Variants in CRACDL observed in about 807,000 individuals in gnomAD.
CRACDL encodes the protein CRACD like, also known as CRACD-like protein.
CRACDL carries 26 observed loss-of-function variants against 70.6 expected under a neutral mutation model. That is an observed-to-expected ratio of 0.37 (90% CI 0.27 to 0.51). The LOEUF is 0.51. Ranked by LOEUF, CRACDL falls within the 20% of genes least tolerant of loss-of-function variation. CRACDL has a pLI of 0.94. For synonymous variants in CRACDL, 618 were observed against 615.2 expected (o/e 1.00, Z -0.07); for missense variants, 1,283 against 1,376.9 (o/e 0.93, Z 1.08).
intron 1 of CRACDL, among the ~76,000 whole-genome samples, chr2:98,897,225 A>T (rs934437633): frequency 2.6e-5 from 4 of 152,200 alleles, no homozygotes; most frequent in African/African-American, 9.6e-5. Flanking sequence ...ACATTTTGAG[A>T]CTGGCTTCTT....
intron 1 of CRACDL, among the ~76,000 whole-genome samples, chr2:98,893,384 C>T (rs138806797): frequency 0.019 from 2,878 of 152,142 alleles, 97 homozygotes; most frequent in African/African-American, 0.065. Context: ...CCTGGGTTCA[C>T]GCCATTCTCC....
In CRACDL at chr2:98,823,597, C is replaced by G; in HGVS notation, c.736-60G>C. On this transcript the variant is annotated intron_variant, in intron 6 of 9. Transcript: ENST00000397899. The surrounding 1 kb of genome is among the most constrained non-coding windows in gnomAD (Gnocchi z 4.0). ...TAGCCAATTCCAGGAAGCCTGTCAC[C>G]TCCCCACTTTTTTCAAGGCTTATAA... The G allele has an allele frequency of 6.5e-7, 1 of 1,532,892 alleles. No homozygotes were observed. The highest frequency in any genetic ancestry group is 8.7e-7 in the Non-Finnish European group (1 of 1,144,436). 95.0% of individuals were successfully genotyped at this position (1,532,892 alleles called of 1,614,324 possible). A position where few individuals can be genotyped will look rare whatever the true frequency, so the allele number is the denominator to read the frequency against.
chr2:98,844,662 T>C (rs1706175316), intron 2 of CRACDL, among the ~76,000 whole-genome samples: 1 of 152,250 alleles, frequency 6.6e-6, no homozygotes, highest in Admixed American at 6.5e-5. Flanking sequence ...ATGGATTTGG[T>C]GGGAGCACCA....
Position 98,794,441 on chromosome 2 carries a change from G to A in CRACDL, c.*91C>T, listed in dbSNP as rs537082166. The A allele has an allele frequency of 2.1e-5, 24 of 1,154,240 alleles. No individual in the cohort carries two copies. The African/African-American group carries it at 2.3e-4, about 11-fold the overall frequency. 71.5% of individuals were successfully genotyped at this position (1,154,240 alleles called of 1,614,324 possible). On this transcript the variant is annotated 3_prime_UTR_variant, in exon 10 of 10. Coordinates refer to ENST00000397899, the MANE Select transcript of CRACDL (RefSeq NM_207362.3). The stretch of plus-strand genomic sequence containing the variant: ...ACTTGATGATAAAATCAATCTTTAA[G>A]TTTCACAGTTTGTTTGCCACAATAC...
chr2:98,921,478 G>A (rs1708801925), intron 1 of CRACDL, among the ~76,000 whole-genome samples: 1 of 152,258 alleles, frequency 6.6e-6, no homozygotes, highest in South Asian at 2.1e-4. Context: ...TTCCCTCAGT[G>A]AACGTGGGTG....
Position 98,794,678 on chromosome 2 carries a change from G to T in CRACDL, c.2750-7C>A, listed in dbSNP as rs772847499. 6.2e-7 allele frequency: 1 copy of T among 1,603,052 alleles called. No homozygotes were observed. Among genetic ancestry groups the T allele is most frequent in the Non-Finnish European group, 8.5e-7 (1 of 1,172,720 alleles). ...ATCATCACTGCAGACTGAGCTGCTTGGAAGGGAGACAAAACCAACAGAAAC... is the reference window on the plus strand; with the variant it reads ...ATCATCACTGCAGACTGAGCTGCTTTGAAGGGAGACAAAACCAACAGAAAC... On this transcript the variant is annotated splice_region_variant and splice_polypyrimidine_tract_variant and intron_variant, in intron 9 of 9. Transcript: ENST00000397899.
At chr2:98,820,391 G>C (rs1042057116) in intron 7 of CRACDL, among the ~76,000 whole-genome samples, 5 of 151,948 alleles carry the variant, frequency 3.3e-5, no homozygotes, top group Admixed American at 2.6e-4. Flanking sequence ...AATTAGCCGG[G>C]TGTAGTATCG....
intron 1 of CRACDL, among the ~76,000 whole-genome samples, chr2:98,915,169 G>A (rs1708636633): frequency 6.6e-6 from 1 of 152,188 alleles, no homozygotes; most frequent in South Asian, 2.1e-4. Context: ...ATAAGAGAAG[G>A]CAGAAAAGGA....
intron 1 of CRACDL, among the ~76,000 whole-genome samples, chr2:98,928,545 T>C (rs371663219): frequency 6.6e-6 from 1 of 152,094 alleles, no homozygotes; most frequent in Non-Finnish European, 1.5e-5. Context: ...GGCCTGGCCA[T>C]GTCTGGTCTA....
rs900953245 is a variant in CRACDL at position 98,889,425 on chromosome 2, G to A, written c.-10-42615C>T. Among the ~76,000 whole-genome samples the A allele has an allele frequency of 7.9e-5, 12 of 152,126 alleles. No individual in the cohort carries two copies. In the East Asian group the frequency reaches 1.4e-3, roughly 17 times the overall value. ...TCTGTTTAAGATAAAAATTACTACA[G>A]ACAAAGTGGGAAATTGTATAATGAC... On this transcript the variant is annotated intron_variant, in intron 1 of 9. Coordinates refer to ENST00000397899, the MANE Select transcript of CRACDL (RefSeq NM_207362.3).
intron 7 of CRACDL, among the ~76,000 whole-genome samples, chr2:98,815,505 C>G (rs1704746553): frequency 6.6e-6 from 1 of 152,332 alleles, no homozygotes; most frequent in Admixed American, 6.5e-5. Context: ...CTGGGACCAC[C>G]TCAGGACAGA....
chr2:98,827,939 G>C (rs916541724), intron 5 of CRACDL, among the ~76,000 whole-genome samples: 1 of 152,262 alleles, frequency 6.6e-6, no homozygotes, highest in Non-Finnish European at 1.5e-5. Context: ...CTGGAGCCCT[G>C]TTGGTTCAAC....
Position 98,795,073 on chromosome 2 carries a change from A to ATT in CRACDL, c.2750-403_2750-402insAA, listed in dbSNP as rs1468056572. On this transcript the variant is annotated intron_variant, in intron 9 of 9. Coordinates refer to ENST00000397899, the MANE Select transcript of CRACDL (RefSeq NM_207362.3). ...TATATATATATATATATATATATAT[A>ATT]TATATTTTTTTTTTTTTTTGAGACA... 4.0e-4 allele frequency among the ~76,000 whole-genome samples: 8 copies of ATT among 20,080 alleles called. 2 individuals are homozygous for ATT. Among genetic ancestry groups the ATT allele is most frequent in the Admixed American group, 8.9e-4 (1 of 1,120 alleles). The allele number at this position is 20,080 out of a possible 152,430, so 13.2% of individuals were successfully genotyped here.
intron 1 of CRACDL, among the ~76,000 whole-genome samples, chr2:98,930,897 G>A (rs1292983626): frequency 6.6e-6 from 1 of 152,138 alleles, no homozygotes; most frequent in African/African-American, 2.4e-5. Context: ...AATTTATGGA[G>A]CATTTTCTAT....
At chr2:98,797,315 T>C (rs1252965550) in intron 8 of CRACDL, 35 bp downstream of exon 8, 2 of 1,603,866 alleles carry the variant, frequency 1.2e-6, no homozygotes, top group East Asian at 2.2e-5. Flanking sequence ...TGCTCCCTCC[T>C]GCACCCACAG....
At position 98,925,191 on chromosome 2, in the gene CRACDL, C is replaced by T. The variant is rs550733459; in HGVS notation, c.-11+10747G>A. The stretch of plus-strand genomic sequence containing the variant: ...CAGGGTCCAGTCCTAGGTGGGACTT[C>T]AAGGAGGAGGAAGGAGCTGACCAGG... On this transcript the variant is annotated intron_variant, in intron 1 of 9. Coordinates refer to ENST00000397899, the MANE Select transcript of CRACDL (RefSeq NM_207362.3). Among the ~76,000 whole-genome samples the T allele has an allele frequency of 2.0e-5, 3 of 152,294 alleles. No homozygotes were observed. In the South Asian group the frequency reaches 6.2e-4, roughly 32 times the overall value.
At chr2:98,845,241 G>T (rs1225190125) in intron 2 of CRACDL, among the ~76,000 whole-genome samples, 3 of 148,528 alleles carry the variant, frequency 2.0e-5, no homozygotes, top group Non-Finnish European at 3.0e-5. Flanking sequence ...TTGTTGCCCA[G>T]GCTGGAGTGC....
intron 1 of CRACDL, among the ~76,000 whole-genome samples, chr2:98,902,495 G>A (rs1708307465): frequency 6.6e-6 from 1 of 152,150 alleles, no homozygotes; most frequent in Non-Finnish European, 1.5e-5. Context: ...GAGTGTGGGG[G>A]TGTCAGGGGC....
intron 7 of CRACDL, among the ~76,000 whole-genome samples, chr2:98,802,753 G>A (rs1704130933): frequency 2.0e-5 from 3 of 152,256 alleles, no homozygotes; most frequent in Non-Finnish European, 4.4e-5. Context: ...TAGGGATGCA[G>A]CTGTTAAGTC....
Sources: gnomAD v4.1 joint callset for allele counts (sites outside exome capture counted in the v4.1 genomes callset) on GRCh38, gnomAD v4.1.1 for gene constraint, Gnocchi (gnomAD v3.1) non-coding constraint, MANE v1.5 for transcripts, NCBI Gene and HGNC (gene_info 2026-07-23, HGNC 2026-07-21) for gene names.